The following PPP2R3A variants were observed in gnomAD, a reference collection of about 807,000 sequenced individuals.
PPP2R3A encodes protein phosphatase 2 regulatory subunit B''alpha, also known as serine/threonine-protein phosphatase 2A regulatory subunit B'' subunit alpha.
In PPP2R3A, 80 loss-of-function variants were observed where a neutral mutation model predicts 106.9. The observed-to-expected ratio is 0.75, with a 90% confidence interval of 0.62 to 0.90. PPP2R3A has a LOEUF of 0.90. PPP2R3A is among the 40% of genes least tolerant of loss of function. The pLI is 0.00. For missense variants in PPP2R3A, 1,386 were observed against 1,350.4 expected (o/e 1.03, Z -0.41); for synonymous variants, 483 against 468.3 (o/e 1.03, Z -0.41).
At chr3:135,980,754 A>G (rs1006454331) in intron 1 of PPP2R3A, among the ~76,000 whole-genome samples, 2 of 151,934 alleles carry the variant, frequency 1.3e-5, no homozygotes, top group African/African-American at 2.4e-5. Flanking sequence ...TGCCTAATCA[A>G]TCTGGTGATT....
intron 13 of PPP2R3A, among the ~76,000 whole-genome samples, chr3:136,116,047 C>G (rs1164968973): frequency 6.6e-6 from 1 of 152,176 alleles, no homozygotes; most frequent in Admixed American, 6.5e-5. Context: ...CAGCAGATCT[C>G]TGCAGAAACC....
At chr3:136,035,827 CTT>C (rs1935065716) in intron 3 of PPP2R3A, among the ~76,000 whole-genome samples, 1 of 152,164 alleles carries the variant, frequency 6.6e-6, no homozygotes, top group African/African-American at 2.4e-5. Context: ...GTTTTCCAAA[CTT>C]TAAATTTCTC....
chr3:136,065,780 A>G (rs1936247502), intron 5 of PPP2R3A, among the ~76,000 whole-genome samples: 1 of 152,200 alleles, frequency 6.6e-6, no homozygotes, highest in Admixed American at 6.5e-5. Flanking sequence ...GGCTCAAGCA[A>G]TTCTCCCACC....
chr3:136,043,914 C>G (rs1235576363), intron 4 of PPP2R3A, among the ~76,000 whole-genome samples: 1 of 152,204 alleles, frequency 6.6e-6, no homozygotes, highest in East Asian at 1.9e-4. Context: ...GCCAGTAACA[C>G]TGGCAGAAAA....
intron 3 of PPP2R3A, among the ~76,000 whole-genome samples, chr3:136,034,699 AGTT>A (rs374650349): frequency 1.1e-4 from 16 of 152,272 alleles, no homozygotes; most frequent in African/African-American, 3.9e-4. Context: ...CATATTCTGC[AGTT>A]GTTAGATGGA....
At chr3:136,000,223 A>G (rs367646699) in intron 1 of PPP2R3A, among the ~76,000 whole-genome samples, 1 of 152,078 alleles carries the variant, frequency 6.6e-6, no homozygotes, top group Admixed American at 6.5e-5. Context: ...TGATAAGTTT[A>G]TATGTTTAAC....
intron 2 of PPP2R3A, among the ~76,000 whole-genome samples, chr3:136,016,974 T>A (rs2107809063): frequency 6.6e-6 from 1 of 152,354 alleles, no homozygotes; most frequent in South Asian, 2.1e-4. Flanking sequence ...GTTTCAAGAT[T>A]TAGAACTTGT....
At chr3:136,139,856 A>T (rs1938785522) in intron 13 of PPP2R3A, among the ~76,000 whole-genome samples, 1 of 149,088 alleles carries the variant, frequency 6.7e-6, no homozygotes, top group Non-Finnish European at 1.5e-5. Flanking sequence ...AATAAAAAAA[A>T]TTAGCTAGGT....
chr3:136,078,535 C>T (rs1936669815), intron 7 of PPP2R3A, 82 bp downstream of exon 7: 1 of 871,020 alleles, frequency 1.1e-6, no homozygotes, highest in Non-Finnish European at 1.8e-6. Context: ...TGAGCGCTTA[C>T]TCTATTCAAA....
intron 2 of PPP2R3A, among the ~76,000 whole-genome samples, chr3:136,020,678 A>T (rs763083759): frequency 1.3e-5 from 2 of 152,130 alleles, no homozygotes; most frequent in African/African-American, 4.8e-5. Flanking sequence ...TATAACCAGC[A>T]TAAACAGACT....
chr3:136,073,247 A>G (rs998724965), intron 6 of PPP2R3A, among the ~76,000 whole-genome samples: 2 of 152,188 alleles, frequency 1.3e-5, no homozygotes, highest in African/African-American at 4.8e-5. Context: ...GATTACAGGC[A>G]TGAGCCACCG....
chr3:135,986,964 T>A (rs924949928), intron 1 of PPP2R3A, among the ~76,000 whole-genome samples: 1 of 152,190 alleles, frequency 6.6e-6, no homozygotes, highest in African/African-American at 2.4e-5. Flanking sequence ...CCCATTCTTT[T>A]TTTAACTAAA....
chr3:136,101,557 T>C (rs1306373426), intron 10 of PPP2R3A, among the ~76,000 whole-genome samples: 3 of 152,136 alleles, frequency 2.0e-5, no homozygotes, highest in Non-Finnish European at 4.4e-5. Flanking sequence ...CCCAAGTAGC[T>C]GAGATTACAG....
At chr3:136,046,635 A>G (rs1054211023) in intron 4 of PPP2R3A, among the ~76,000 whole-genome samples, 19 of 152,224 alleles carry the variant, frequency 1.2e-4, no homozygotes, top group South Asian at 2.1e-4. Context: ...CAAAAGATAA[A>G]GGAACACCTG....
At chr3:136,030,761 CAT>C (rs374923726) in intron 3 of PPP2R3A, among the ~76,000 whole-genome samples, 1,172 of 100,308 alleles carry the variant, frequency 0.012, 21 homozygotes, top group East Asian at 0.032. Context: ...TATTCCATCA[CAT>C]ATATATATAT....
chr3:136,117,498 G>T (rs947983141), intron 13 of PPP2R3A, among the ~76,000 whole-genome samples: 1 of 151,968 alleles, frequency 6.6e-6, no homozygotes, highest in African/African-American at 2.4e-5. Flanking sequence ...TAATAAAGAA[G>T]AAAAGAGAGA....
chr3:136,083,349 A>G (rs1202157622), intron 8 of PPP2R3A, among the ~76,000 whole-genome samples: 1 of 152,168 alleles, frequency 6.6e-6, no homozygotes, highest in Non-Finnish European at 1.5e-5. Flanking sequence ...ATGATAGTGA[A>G]TAAGTCTCAT....
At chr3:135,977,793 G>A (rs1182054441) in intron 1 of PPP2R3A, among the ~76,000 whole-genome samples, 3 of 143,570 alleles carry the variant, frequency 2.1e-5, no homozygotes, top group Non-Finnish European at 4.5e-5. Context: ...TCCGCTTCCC[G>A]GGCTCAAGCG....
intron 3 of PPP2R3A, among the ~76,000 whole-genome samples, chr3:136,029,561 G>T (rs903682455): frequency 6.6e-6 from 1 of 152,186 alleles, no homozygotes; most frequent in African/African-American, 2.4e-5. Context: ...GAACGACTTT[G>T]CCATTTATGT....
Sources: gnomAD v4.1 joint callset for allele counts (sites outside exome capture counted in the v4.1 genomes callset) on GRCh38, gnomAD v4.1.1 for gene constraint, MANE v1.5 for transcripts, NCBI Gene and HGNC (gene_info 2026-07-23, HGNC 2026-07-21) for gene names.